The following TTYH3 variants were observed in gnomAD, a reference collection of about 807,000 sequenced individuals.
The protein encoded by TTYH3 is protein tweety homolog 3.
Under a neutral mutation model 68.2 loss-of-function variants are expected in TTYH3, and 23 were observed. The ratio of observed to expected loss-of-function variants is 0.34; its 90% CI spans 0.24 to 0.48. TTYH3 has a LOEUF of 0.48. Ranked by LOEUF, TTYH3 falls within the 20% of genes least tolerant of loss-of-function variation. TTYH3 has a pLI of 0.99. For synonymous variants in TTYH3, 360 were observed against 332.8 expected (o/e 1.08, Z -0.89); for missense variants, 768 against 727.7 (o/e 1.06, Z -0.64).
intron 1 of TTYH3, among the ~76,000 whole-genome samples, chr7:2,632,810 G>A (rs557225210): frequency 6.6e-6 from 1 of 152,262 alleles, no homozygotes; most frequent in Non-Finnish European, 1.5e-5. Flanking sequence ...CAGGCTTCCA[G>A]TGGGTGAATG....
chr7:2,659,530 A>G (rs1488006408), intron 13 of TTYH3, among the ~76,000 whole-genome samples: 1 of 152,148 alleles, frequency 6.6e-6, no homozygotes, highest in Non-Finnish European at 1.5e-5. Flanking sequence ...GTGTCCACAC[A>G]TGGCTGTTTC....
In TTYH3 at chr7:2,656,537, G is replaced by T; in HGVS notation, c.1250+3G>T. 6.2e-7 allele frequency: 1 copy of T among 1,600,640 alleles called. No homozygotes were observed. Among genetic ancestry groups the T allele is most frequent in the South Asian group, 1.1e-5 (1 of 89,658 alleles). On this transcript the variant is annotated splice_donor_region_variant and intron_variant, in intron 11 of 13. Transcript: ENST00000258796. ...CCGCACACCTGGCAGCAAAAGAGGT[G>T]AGGGGCCCTGGGGGGTCGCAGGAGC...
intron 1 of TTYH3, among the ~76,000 whole-genome samples, chr7:2,637,034 AG>A (rs1785695749): frequency 6.6e-6 from 1 of 152,072 alleles, no homozygotes; most frequent in Non-Finnish European, 1.5e-5. Context: ...ATTCTTGCTC[AG>A]GGTGCTGGCT....
rs1583549822 is a variant in TTYH3 at position 2,632,251 on chromosome 7, C to T, written c.96C>T (p.Phe32=). The T allele has an allele frequency of 6.3e-7, 1 of 1,587,588 alleles. No homozygotes were observed. The highest frequency in any genetic ancestry group is 2.3e-5 in the East Asian group (1 of 43,740). ...GCTGGGAGGCCACTAGCAGCCAGTT[C>T]CGGCCCGAGGACACCGACTACCAGC... ...DLSWEATSSQ[F]RPEDTDYQQA... is the part of the protein sequence containing the mutation. Residue 32 remains phenylalanine (F), a synonymous_variant, in exon 1 of 14, where the codon TTC becomes TTT. Transcript: ENST00000258796.
intron 1 of TTYH3, among the ~76,000 whole-genome samples, chr7:2,641,288 G>C (rs188099959): frequency 1.5e-3 from 222 of 152,250 alleles, no homozygotes; most frequent in African/African-American, 5.0e-3. Flanking sequence ...GGGGTTTTGG[G>C]GGCTGCATTT....
At chr7:2,649,280 C>A (rs984391500) in intron 5 of TTYH3, among the ~76,000 whole-genome samples, 1 of 152,068 alleles carries the variant, frequency 6.6e-6, no homozygotes, top group Non-Finnish European at 1.5e-5. Flanking sequence ...GTTGCCTGTT[C>A]AGGAGAGGGA....
At chr7:2,644,174 G>T (rs1033183986) in intron 1 of TTYH3, among the ~76,000 whole-genome samples, 1 of 152,122 alleles carries the variant, frequency 6.6e-6, no homozygotes, top group African/African-American at 2.4e-5. Context: ...CTCTGGTCCC[G>T]GGGGGCATGG....
chr7:2,655,627 G>A (rs894630592), intron 9 of TTYH3, among the ~76,000 whole-genome samples: 5 of 152,372 alleles, frequency 3.3e-5, no homozygotes, highest in East Asian at 1.9e-4. Context: ...ATGCACACAC[G>A]TAAGCACCGG....
chr7:2,642,654 G>T (rs969767871), intron 1 of TTYH3, among the ~76,000 whole-genome samples: 1 of 151,790 alleles, frequency 6.6e-6, no homozygotes, highest in Non-Finnish European at 1.5e-5. Flanking sequence ...CTTAAGCCCA[G>T]GAGGTTGAGG....
chr7:2,650,117 C>T (rs1786126473), intron 7 of TTYH3, 129 bp downstream of exon 7: 1 of 875,012 alleles, frequency 1.1e-6, no homozygotes, highest in Non-Finnish European at 1.8e-6. Context: ...AGGTCCCAGG[C>T]CAAGATGCTA....
At chr7:2,652,083 G>C (rs1369333841) in intron 7 of TTYH3, 104 bp from the exon 8 acceptor site, 6 of 939,384 alleles carry the variant, frequency 6.4e-6, no homozygotes, top group Non-Finnish European at 1.0e-5. Flanking sequence ...ATGTAAACAT[G>C]CACGCAGATG....
In TTYH3 at chr7:2,647,482, A is replaced by G. The variant is rs1355481599; in HGVS notation, c.470A>G (p.Gln157Arg). ...CCCAGCCTGCAGACCCTGGAGCGGC[A>G]GCTGGCCGGGCGGCCCGAGCCCCTG... ...AEPSLQTLER[Q>R]LAGRPEPLRA... The change falls in exon 4 of 14, where the codon CAG becomes CGG. Residue 157 changes from glutamine to arginine, a missense_variant. Gln to Arg is a conservative substitution (Grantham distance 43). Coordinates refer to ENST00000258796, the MANE Select transcript of TTYH3 (RefSeq NM_025250.3). 3.3e-6 allele frequency: 5 copies of G among 1,535,720 alleles called. No homozygotes were observed. The highest frequency in any genetic ancestry group is 3.5e-6 in the Non-Finnish European group (4 of 1,144,352).
chr7:2,646,791 C>T lies in TTYH3; in HGVS notation c.124-62C>T, dbSNP rs1382486427. On this transcript the variant is annotated intron_variant, in intron 1 of 13. Transcript: ENST00000258796. ...GTCTGCGCCAGGTCCCCTGCTGGGG[C>T]GGGGCGTGGGACTCTGAGCTGGGGG... is the stretch of plus-strand genomic sequence containing the variant. 2.7e-6 allele frequency: 4 copies of T among 1,496,104 alleles called. No homozygotes were observed. The Admixed American group carries it at 5.9e-5, about 22-fold the overall frequency. The allele number at this position is 1,496,104 out of a possible 1,614,324, so 92.7% of individuals were successfully genotyped here. A position where few individuals can be genotyped will look rare whatever the true frequency, so the allele number is the denominator to read the frequency against.
At chr7:2,661,418 TC>T (rs774728747) in intron 13 of TTYH3, among the ~76,000 whole-genome samples, 9 of 152,146 alleles carry the variant, frequency 5.9e-5, no homozygotes, top group Admixed American at 2.6e-4. Context: ...AGAGGAGACA[TC>T]CCCTGTCCTG....
Position 2,652,912 on chromosome 7 carries a change from G to T in TTYH3, c.928-6G>T. The T allele has an allele frequency of 6.4e-7, 1 of 1,558,400 alleles. No individual in the cohort carries two copies. The highest frequency in any genetic ancestry group is 8.7e-7 in the Non-Finnish European group (1 of 1,150,140). On this transcript the variant is annotated splice_region_variant and splice_polypyrimidine_tract_variant and intron_variant, in intron 8 of 13. Transcript: ENST00000258796. ...GCCCATGGACTTGGTCTCCTCTCTG[G>T]AGCAGAAGCTGTCGGGCAGCCACAA... is the stretch of plus-strand genomic sequence containing the variant.
At chr7:2,636,719 G>A (rs986011635) in intron 1 of TTYH3, among the ~76,000 whole-genome samples, 5 of 152,144 alleles carry the variant, frequency 3.3e-5, no homozygotes, top group African/African-American at 1.2e-4. Flanking sequence ...CATCTTGGCC[G>A]GTGTCTGCAT....
intron 1 of TTYH3, among the ~76,000 whole-genome samples, chr7:2,642,865 C>G (rs1245643961): frequency 6.8e-6 from 1 of 147,038 alleles, no homozygotes; most frequent in Non-Finnish European, 1.5e-5. Context: ...GAGTTTGAGA[C>G]CAGCCTGGCC....
intron 8 of TTYH3, 150 bp from the exon 9 acceptor site, chr7:2,652,768 G>C: frequency 1.6e-6 from 1 of 644,708 alleles, no homozygotes; most frequent in South Asian, 1.9e-5. Context: ...GGAAGCAAGG[G>C]CAGGGAGTGC....
At chr7:2,654,732 A>G (rs952200067) in intron 9 of TTYH3, among the ~76,000 whole-genome samples, 4 of 152,142 alleles carry the variant, frequency 2.6e-5, no homozygotes, top group Admixed American at 1.3e-4. Flanking sequence ...CTGTCTTCAC[A>G]GGACCATCCC....
Sources: allele counts gnomAD v4.1 joint callset (sites outside exome capture counted in the v4.1 genomes callset), GRCh38; gene constraint gnomAD v4.1.1; transcripts MANE v1.5; gene names NCBI Gene and HGNC (gene_info 2026-07-23, HGNC 2026-07-21).